PATJ: variants seen among roughly 807,000 people sequenced by gnomAD.
The protein encoded by PATJ is PATJ crumbs cell polarity complex component.
A neutral mutation model predicts 224.9 loss-of-function variants in PATJ; 190 were observed. The ratio of observed to expected loss-of-function variants is 0.84; its 90% CI spans 0.75 to 0.95. The LOEUF is 0.95. Ranked by LOEUF, PATJ falls within the 40% of genes least tolerant of loss-of-function variation. The pLI, the probability that PATJ is intolerant of heterozygous loss-of-function variation, is 0.00. For missense variants in PATJ, 2,121 were observed against 2,270.3 expected (o/e 0.93, Z 1.34); for synonymous variants, 769 against 820.3 (o/e 0.94, Z 1.07).
At chr1:61,959,198 A>T (rs1011127958) in intron 27 of PATJ, among the ~76,000 whole-genome samples, 2 of 152,114 alleles carry the variant, frequency 1.3e-5, no homozygotes, top group African/African-American at 4.8e-5. Context: ...AAAATAGGCC[A>T]GCTAGACCTT....
intron 38 of PATJ, among the ~76,000 whole-genome samples, chr1:62,122,112 C>T (rs1017361883): frequency 6.6e-6 from 1 of 152,042 alleles, no homozygotes; most frequent in Non-Finnish European, 1.5e-5. Flanking sequence ...TGCCTGTAAT[C>T]TTAGCACTTT....
At chr1:61,771,659 T>G in intron 6 of PATJ, 33 bp downstream of exon 6, 1 of 1,428,048 alleles carries the variant, frequency 7.0e-7, no homozygotes, top group African/African-American at 1.5e-5. Context: ...TACTTAATTT[T>G]GAATAATGCC....
At chr1:62,106,891 G>C (rs1663124569) in intron 33 of PATJ, among the ~76,000 whole-genome samples, 1 of 152,134 alleles carries the variant, frequency 6.6e-6, no homozygotes, top group Non-Finnish European at 1.5e-5. Context: ...ACCATTGCCA[G>C]CAGGGTCTTA....
intron 26 of PATJ, among the ~76,000 whole-genome samples, chr1:61,923,487 A>T (rs886099249): frequency 2.6e-5 from 4 of 152,196 alleles, no homozygotes; most frequent in Non-Finnish European, 4.4e-5. Context: ...TCACTAGAAG[A>T]AGTTTTTTTT....
At chr1:61,979,113 CAAG>C (rs1421312577) in intron 27 of PATJ, among the ~76,000 whole-genome samples, 3 of 152,076 alleles carry the variant, frequency 2.0e-5, no homozygotes, top group Admixed American at 6.5e-5. Flanking sequence ...TCAGCTGCAT[CAAG>C]AGACTGTTCT....
chr1:61,892,865 G>A (rs1408308735), intron 22 of PATJ, among the ~76,000 whole-genome samples: 1 of 152,006 alleles, frequency 6.6e-6, no homozygotes, highest in Non-Finnish European at 1.5e-5. Context: ...TTTCACTCTT[G>A]GTGTTGTATG....
At position 61,773,414 on chromosome 1, in the gene PATJ, T is replaced by C. The variant is rs112150445; in HGVS notation, c.720+1788T>C. 1.9e-3 allele frequency among the ~76,000 whole-genome samples: 283 copies of C among 152,242 alleles called. 1 individual carries two copies. The highest frequency in any genetic ancestry group is 6.5e-3 in the African/African-American group (269 of 41,552). ...TGGGTATGGTGGCTCACATCTGTAATCCCACCACTTTGGGAGGCCTAGGCA... is the reference window on the plus strand; with the variant it reads ...TGGGTATGGTGGCTCACATCTGTAACCCCACCACTTTGGGAGGCCTAGGCA... On this transcript the variant is annotated intron_variant, in intron 6 of 43. Coordinates refer to ENST00000642238, the MANE Select transcript of PATJ (RefSeq NM_001350145.3).
intron 29 of PATJ, among the ~76,000 whole-genome samples, chr1:62,035,050 T>C (rs1192226698): frequency 6.6e-6 from 1 of 152,200 alleles, no homozygotes; most frequent in Non-Finnish European, 1.5e-5. Flanking sequence ...CTGAGCTTTA[T>C]TGTGGTGTTC....
intron 17 of PATJ, among the ~76,000 whole-genome samples, chr1:61,834,130 T>A (rs1659792981): frequency 6.6e-6 from 1 of 152,140 alleles, no homozygotes; most frequent in South Asian, 2.1e-4. Context: ...AAGCATACAG[T>A]TCAGTCGTTT....
chr1:62,159,597 C>G (rs1669649925), intron 43 of PATJ, among the ~76,000 whole-genome samples: 1 of 149,870 alleles, frequency 6.7e-6, no homozygotes, highest in African/African-American at 2.5e-5. Context: ...CTCACTCTGT[C>G]ACCCAGTCTG....
In PATJ at chr1:62,073,714, G is replaced by A. The variant is rs551959147; in HGVS notation, c.4126-5736G>A. ...ACTTAAATAAATTCTATCTAGCCAG[G>A]CACAGTGGTGCATACCTGTAGTCCC... On this transcript the variant is annotated intron_variant, in intron 31 of 43. Coordinates refer to ENST00000642238, the MANE Select transcript of PATJ (RefSeq NM_001350145.3). Among the ~76,000 whole-genome samples the A allele has an allele frequency of 3.3e-5, 5 of 152,126 alleles. No individual in the cohort carries two copies. In the South Asian group the frequency reaches 8.3e-4, roughly 25 times the overall value.
intron 27 of PATJ, among the ~76,000 whole-genome samples, chr1:61,928,467 T>G (rs1162928741): frequency 6.6e-6 from 1 of 152,190 alleles, no homozygotes; most frequent in Non-Finnish European, 1.5e-5. Flanking sequence ...AATCACTGAC[T>G]TATACATTGT....
intron 18 of PATJ, among the ~76,000 whole-genome samples, chr1:61,857,408 A>G (rs1159881600): frequency 6.6e-6 from 1 of 152,256 alleles, no homozygotes; most frequent in African/African-American, 2.4e-5. Flanking sequence ...CCAAGTTCTT[A>G]TAACTAGTAA....
chr1:61,806,502 C>G (rs1286832), intron 13 of PATJ, among the ~76,000 whole-genome samples: 15,098 of 151,848 alleles, frequency 0.099, 834 homozygotes, highest in Non-Finnish European at 0.12. Flanking sequence ...GCCTGTAATC[C>G]CAGCTACTCG....
In PATJ at chr1:62,117,131, G is replaced by A; in HGVS notation, c.4804-1G>A. 1 of 1,612,458 alleles carries A rather than the reference G, an allele frequency of 6.2e-7. No homozygotes were observed. The highest frequency in any genetic ancestry group is 8.5e-7 in the Non-Finnish European group (1 of 1,178,862). ...TTCTGTTCTTTTCTTGCCTTTCCAA[G>A]TGTGCACAGGGACTTGTGCAGCTAG... On this transcript the variant is annotated splice_acceptor_variant, in intron 36 of 43. Transcript: ENST00000642238. LOFTEE classifies it high-confidence loss of function.
intron 3 of PATJ, among the ~76,000 whole-genome samples, chr1:61,764,526 ACCTAT>A (rs1409434502): frequency 6.6e-6 from 1 of 152,006 alleles, no homozygotes; most frequent in Non-Finnish European, 1.5e-5. Context: ...CTTTTAAATC[ACCTAT>A]TCTGGAAGCT....
At chr1:62,119,134 T>C (rs1317575844) in intron 37 of PATJ, among the ~76,000 whole-genome samples, 3 of 152,042 alleles carry the variant, frequency 2.0e-5, no homozygotes, top group African/African-American at 7.2e-5. Flanking sequence ...TTTCAGAGGG[T>C]AGGAGTTTAA....
At chr1:61,807,981 C>T (rs1280393444) in intron 13 of PATJ, among the ~76,000 whole-genome samples, 1 of 152,158 alleles carries the variant, frequency 6.6e-6, no homozygotes. Flanking sequence ...CCGTTTATGT[C>T]TTTGCCAGCT....
intron 16 of PATJ, among the ~76,000 whole-genome samples, chr1:61,829,505 A>G (rs921118298): frequency 2.0e-4 from 30 of 152,206 alleles, no homozygotes; most frequent in Admixed American, 4.6e-4. Flanking sequence ...CTTTACCACA[A>G]TGGTGAACAA....
Sources: gnomAD v4.1 joint callset for allele counts (sites outside exome capture counted in the v4.1 genomes callset) on GRCh38, gnomAD v4.1.1 for gene constraint, MANE v1.5 for transcripts, NCBI Gene and HGNC (gene_info 2026-07-23, HGNC 2026-07-21) for gene names.